The following OR52N4 variants were observed in gnomAD, a reference collection of about 807,000 sequenced individuals.
The protein encoded by OR52N4 is olfactory receptor 52N4.
In OR52N4, 15 loss-of-function variants were observed where a neutral mutation model predicts 15.0. The ratio of observed to expected loss-of-function variants is 1.00; its 90% CI spans 0.67 to 1.54. The LOEUF is 1.54. OR52N4 is among the 40% of genes most tolerant of loss of function. The pLI, the probability that OR52N4 is intolerant of heterozygous loss-of-function variation, is 0.00. For missense variants in OR52N4, 421 were observed against 394.0 expected (o/e 1.07, Z -0.58); for synonymous variants, 143 against 143.7 (o/e 1.00, Z 0.03).
At chr11:5,754,049 C>G (rs1275100182), upstream of OR52N4, among the ~76,000 whole-genome samples, 1 of 147,330 alleles carries the variant, frequency 6.8e-6, no homozygotes, top group Non-Finnish European at 1.5e-5. Context: ...TCCATCATCT[C>G]AAACATTTAT....
chr11:5,743,471 C>A, the OR52N4 span, among the ~76,000 whole-genome samples: 1 of 152,108 alleles, frequency 6.6e-6, no homozygotes, highest in African/African-American at 2.4e-5. Context: ...GAAACAGTCT[C>A]AAAAATTGCT....
At chr11:5,752,026 T>G (rs12364119), upstream of OR52N4, among the ~76,000 whole-genome samples, 1 of 151,896 alleles carries the variant, frequency 6.6e-6, no homozygotes, top group Non-Finnish European at 1.5e-5. Context: ...ACCAAGGAGA[T>G]AGAGGTTTGC....
chr11:5,746,797 C>T, the OR52N4 span, among the ~76,000 whole-genome samples: 4 of 152,100 alleles, frequency 2.6e-5, no homozygotes, highest in Non-Finnish European at 4.4e-5. Flanking sequence ...CCAGCAATTG[C>T]ACTACTCTGT....
At chr11:5,737,484 G>C in the OR52N4 span, 10 of 1,607,652 alleles carry the variant, frequency 6.2e-6, no homozygotes, top group Non-Finnish European at 8.5e-6. Context: ...AAAGAAATAA[G>C]ATCTTAGAGA....
At chr11:5,730,958 C>T in the OR52N4 span, among the ~76,000 whole-genome samples, 2,120 of 152,148 alleles carry the variant, frequency 0.014, 37 homozygotes, top group Middle Eastern at 0.027. Flanking sequence ...CTTGAACTCA[C>T]CTTGACTATA....
upstream of OR52N4, among the ~76,000 whole-genome samples, chr11:5,749,963 CTTA>C (rs1400625833): frequency 6.6e-6 from 1 of 151,872 alleles, no homozygotes. Context: ...TACGTTTGTA[CTTA>C]TTAATAATAC....
At chr11:5,738,411 G>C in the OR52N4 span, 10 of 152,062 alleles carry the variant, frequency 6.6e-5, no homozygotes, top group Admixed American at 4.6e-4. Context: ...GCTGATAAAG[G>C]CTTCCTGATA....
chr11:5,747,077 C>CAA, the OR52N4 span, among the ~76,000 whole-genome samples: 17 of 57,262 alleles, frequency 3.0e-4, no homozygotes, highest in African/African-American at 1.2e-3. Flanking sequence ...GTAAAAATAC[C>CAA]AAAAAAAAAA....
the OR52N4 span, chr11:5,736,407 A>C: frequency 1.1e-6 from 1 of 895,686 alleles, no homozygotes. Flanking sequence ...TATAATTTCT[A>C]AAGAGATGAA....
At chr11:5,749,802 G>C (rs935782979), upstream of OR52N4, among the ~76,000 whole-genome samples, 3 of 151,904 alleles carry the variant, frequency 2.0e-5, no homozygotes, top group South Asian at 6.2e-4. Flanking sequence ...CAGAGTTTAA[G>C]AATGAGGTTA....
the OR52N4 span, among the ~76,000 whole-genome samples, chr11:5,734,523 C>T: frequency 6.6e-6 from 1 of 152,030 alleles, no homozygotes; most frequent in East Asian, 1.9e-4. Context: ...ATAGCAGAAT[C>T]GTATTCTATG....
Position 5,754,795 on chromosome 11 carries a change from G to A in OR52N4, c.55G>A (p.Val19Ile), listed in dbSNP as rs767430015. Residue 19 changes from valine to isoleucine, a missense_variant, in exon 2 of 2, where the codon GTC becomes ATC. Val to Ile is a conservative substitution (Grantham distance 29). Transcript: ENST00000641350. Reference protein sequence around the residue: ...LIPASFILNGVPGLEDTQLWI... With the variant: ...LIPASFILNGIPGLEDTQLWI... ...ACCAGCTTCATTTATTCTGAATGGA[G>A]TCCCAGGACTGGAAGACACACAACT... 2 of 1,613,364 alleles carry A rather than the reference G, an allele frequency of 1.2e-6. No homozygotes were observed. Among genetic ancestry groups the A allele is most frequent in the Non-Finnish European group, 1.7e-6 (2 of 1,179,576 alleles).
At chr11:5,732,584 C>T in the OR52N4 span, among the ~76,000 whole-genome samples, 6 of 152,146 alleles carry the variant, frequency 3.9e-5, no homozygotes, top group East Asian at 3.9e-4. Flanking sequence ...AGGTTATTTT[C>T]GGTCTCTTTT....
At chr11:5,734,346 C>T in the OR52N4 span, 1 of 379,440 alleles carries the variant, frequency 2.6e-6, no homozygotes, top group Non-Finnish European at 5.2e-6. Flanking sequence ...ATTGACATTT[C>T]TCTCTGTTTT....
Position 5,755,002 on chromosome 11 carries a change from T to C in OR52N4, c.262T>C (p.Trp88Arg). Reference sequence around the variant, plus strand: ...AATCCCTAAAGCCCTCTGCATCTTCTGGTTTCATCTCAAGGACATTGGATT... The same window carrying C: ...AATCCCTAAAGCCCTCTGCATCTTCCGGTTTCATCTCAAGGACATTGGATT... ...STIPKALCIF[W>R]FHLKDIGFDE... Residue 88 changes from tryptophan (W) to arginine (R), a missense_variant, in exon 2 of 2, where the codon TGG (tryptophan) becomes CGG (arginine). By Grantham distance (101) the Trp-to-Arg change is moderately radical. Transcript: ENST00000641350. 1 of 1,614,022 alleles carries C rather than the reference T, an allele frequency of 6.2e-7. No individual in the cohort carries two copies. The highest frequency in any genetic ancestry group is 8.5e-7 in the Non-Finnish European group (1 of 1,179,962).
At chr11:5,749,530 T>C (rs7479906), upstream of OR52N4, among the ~76,000 whole-genome samples, 128,366 of 151,888 alleles carry the variant, frequency 0.85, 54,428 homozygotes, top group Non-Finnish European at 0.86. Context: ...ACCCCCACAA[T>C]AAGGAGAAAT....
At chr11:5,754,572 T>C in intron 1 of OR52N4, 121 bp from the exon 2 acceptor site, 1 of 597,894 alleles carries the variant, frequency 1.7e-6, no homozygotes, top group Middle Eastern at 4.5e-4. Context: ...AAATTATTTC[T>C]TGGCACTCAG....
the OR52N4 span, among the ~76,000 whole-genome samples, chr11:5,747,077 CAAA>C: frequency 0.21 from 12,384 of 57,896 alleles, 830 homozygotes; most frequent in Middle Eastern, 0.38. Flanking sequence ...GTAAAAATAC[CAAA>C]AAAAAAAAAA....
At chr11:5,735,631 T>G in the OR52N4 span, among the ~76,000 whole-genome samples, 1 of 152,106 alleles carries the variant, frequency 6.6e-6, no homozygotes, top group African/African-American at 2.4e-5. Flanking sequence ...TAAGGGAAGG[T>G]TAGTTTTCTA....
Sources: gnomAD v4.1 joint callset for allele counts (sites outside exome capture counted in the v4.1 genomes callset) on GRCh38, gnomAD v4.1.1 for gene constraint, MANE v1.5 for transcripts, NCBI Gene and HGNC (gene_info 2026-07-23, HGNC 2026-07-21) for gene names.